The following PDE2A variants were observed in gnomAD, a reference collection of about 807,000 sequenced individuals.
PDE2A encodes cGMP-dependent 3',5'-cyclic phosphodiesterase.
A neutral mutation model predicts 133.6 loss-of-function variants in PDE2A; 53 were observed. That is an observed-to-expected ratio of 0.40 (90% CI 0.32 to 0.50). The LOEUF is 0.50. PDE2A is among the 20% of genes least tolerant of loss of function. The pLI is 0.73. For synonymous variants in PDE2A, 491 were observed against 490.2 expected (o/e 1.00, Z -0.02); for missense variants, 796 against 1,232.4 (o/e 0.65, Z 5.30).
Position 72,578,578 on chromosome 11 carries a change from A to T in PDE2A, c.2470-64T>A. 7.3e-7 allele frequency: 1 copy of T among 1,378,680 alleles called. No individual in the cohort carries two copies. The highest frequency in any genetic ancestry group is 1.0e-6 in the Non-Finnish European group (1 of 965,906). The allele number at this position is 1,378,680 out of a possible 1,614,324, so 85.4% of individuals were successfully genotyped here. The stretch of plus-strand genomic sequence containing the variant: ...ATACATCCACCCAAGCTCCTCTGAC[A>T]GCCCGTTCCCAGGAGAGAAAACTGA... On this transcript the variant is annotated intron_variant, in intron 28 of 30. Transcript: ENST00000334456. The surrounding 1 kb of genome is among the most constrained non-coding windows in gnomAD (Gnocchi z 4.2).
chr11:72,600,678 C>T (rs543371138), intron 4 of PDE2A, among the ~76,000 whole-genome samples: 169 of 152,298 alleles, frequency 1.1e-3, no homozygotes, highest in African/African-American at 4.0e-3. Context: ...CTCCCTGCTC[C>T]TCTCCAGTTC....
intron 1 of PDE2A, among the ~76,000 whole-genome samples, chr11:72,651,899 G>C (rs1489579279): frequency 6.6e-6 from 1 of 152,154 alleles, no homozygotes; most frequent in African/African-American, 2.4e-5. Flanking sequence ...CAGAAGACAG[G>C]CCTGAAAAGA....
Position 72,595,824 on chromosome 11 carries a change from G to A in PDE2A, c.489+769C>T, listed in dbSNP as rs560084683. Among the ~76,000 whole-genome samples the A allele has an allele frequency of 3.3e-5, 5 of 152,190 alleles. No homozygotes were observed. In the South Asian group the frequency reaches 6.2e-4, roughly 19 times the overall value. Reference sequence around the variant, plus strand: ...ATACAGGAGAAGAAACGGAAAGAGCGGCAGAATCCCGTCCCCACAGGCTCT... The same window carrying A: ...ATACAGGAGAAGAAACGGAAAGAGCAGCAGAATCCCGTCCCCACAGGCTCT... On this transcript the variant is annotated intron_variant, in intron 6 of 30. Coordinates refer to ENST00000334456, the MANE Select transcript of PDE2A (RefSeq NM_002599.5).
intron 6 of PDE2A, among the ~76,000 whole-genome samples, chr11:72,596,335 G>A (rs1437404435): frequency 6.6e-6 from 1 of 152,140 alleles, no homozygotes; most frequent in Non-Finnish European, 1.5e-5. Flanking sequence ...GCTGCTGACT[G>A]GGCCAATGGC....
chr11:72,665,597 C>G (rs1855211920), intron 1 of PDE2A, among the ~76,000 whole-genome samples: 1 of 152,302 alleles, frequency 6.6e-6, no homozygotes, highest in Admixed American at 6.5e-5. Context: ...CTCTGGCCCC[C>G]CATGGCAGCT....
intron 2 of PDE2A, among the ~76,000 whole-genome samples, chr11:72,631,635 C>A (rs1858388070): frequency 6.6e-6 from 1 of 152,100 alleles, no homozygotes; most frequent in African/African-American, 2.4e-5. Context: ...CATGTGGGAG[C>A]CCCCCTACCC....
At chr11:72,630,713 G>T (rs1401233828) in intron 2 of PDE2A, among the ~76,000 whole-genome samples, 1 of 152,014 alleles carries the variant, frequency 6.6e-6, no homozygotes, top group Non-Finnish European at 1.5e-5. Context: ...TGGCCCAGGG[G>T]AGAGTTGAGG....
Position 72,578,708 on chromosome 11 carries a change from C to A in PDE2A, c.2469+189G>T, listed in dbSNP as rs1034066628. On this transcript the variant is annotated intron_variant, in intron 28 of 30. Transcript: ENST00000334456. The surrounding 1 kb of genome is among the most constrained non-coding windows in gnomAD (Gnocchi z 4.2). ...GGCTGGGTTGGGGCCCACCTTCCACCAGCCACTGACTTGCTAGGTCTGTTC... is the reference window on the plus strand; with the variant it reads ...GGCTGGGTTGGGGCCCACCTTCCACAAGCCACTGACTTGCTAGGTCTGTTC... Among the ~76,000 whole-genome samples, 1 of 152,226 alleles carries A rather than the reference C, an allele frequency of 6.6e-6. No homozygotes were observed. Among genetic ancestry groups the A allele is most frequent in the South Asian group, 2.1e-4 (1 of 4,834 alleles).
At chr11:72,593,131 G>C (rs1012556688) in intron 6 of PDE2A, among the ~76,000 whole-genome samples, 2 of 151,326 alleles carry the variant, frequency 1.3e-5, no homozygotes, top group Non-Finnish European at 2.9e-5. Flanking sequence ...CATGAAGAAC[G>C]TCAGGCCCTC....
intron 2 of PDE2A, among the ~76,000 whole-genome samples, chr11:72,622,264 G>A (rs1464769468): frequency 6.6e-6 from 1 of 152,134 alleles, no homozygotes; most frequent in Non-Finnish European, 1.5e-5. Context: ...ACTGTCCGTG[G>A]GAATGTAAAA....
At chr11:72,652,281 G>T (rs180857651) in intron 1 of PDE2A, among the ~76,000 whole-genome samples, 5 of 152,308 alleles carry the variant, frequency 3.3e-5, no homozygotes, top group South Asian at 2.1e-4. Flanking sequence ...CCTGCCTGTT[G>T]TGTTTTGTTT....
chr11:72,659,736 A>G (rs1854997918), intron 1 of PDE2A, among the ~76,000 whole-genome samples: 1 of 152,110 alleles, frequency 6.6e-6, no homozygotes, highest in South Asian at 2.1e-4. Context: ...TGGACAATAT[A>G]TAGCCATTTC....
chr11:72,654,864 A>G (rs1854846846), intron 1 of PDE2A, among the ~76,000 whole-genome samples: 1 of 152,144 alleles, frequency 6.6e-6, no homozygotes, highest in Admixed American at 6.5e-5. Context: ...ACATCCCCAC[A>G]GCTCCAGCCC....
At chr11:72,581,214 A>T in intron 23 of PDE2A, 143 bp downstream of exon 23, 1 of 862,562 alleles carries the variant, frequency 1.2e-6, no homozygotes, top group Non-Finnish European at 1.8e-6. Flanking sequence ...GATGGGGCTC[A>T]CAGCCTTCCC....
In PDE2A at chr11:72,585,239, T is replaced by C. The variant is rs1855911643; in HGVS notation, c.1286+132A>G. 13 of 784,808 alleles carry C rather than the reference T, an allele frequency of 1.7e-5. No homozygotes were observed. In the East Asian group the frequency reaches 3.5e-4, roughly 21 times the overall value. The allele number at this position is 784,808 out of a possible 1,614,324, so 48.6% of individuals were successfully genotyped here. A position where few individuals can be genotyped will look rare whatever the true frequency, so the allele number is the denominator to read the frequency against. ...TCTAGCGAGGGAGACAGGCATGAAA[T>C]AAAGGATCCCTCAAAAGGTGATGAA... On this transcript the variant is annotated intron_variant, in intron 16 of 30. Coordinates refer to ENST00000334456, the MANE Select transcript of PDE2A (RefSeq NM_002599.5).
intron 1 of PDE2A, among the ~76,000 whole-genome samples, chr11:72,673,068 A>G (rs1180973167): frequency 6.6e-6 from 1 of 152,078 alleles, no homozygotes; most frequent in East Asian, 1.9e-4. Flanking sequence ...TTATACGCAC[A>G]CAGCCACATC....
At chr11:72,651,731 C>T (rs7930640) in intron 1 of PDE2A, among the ~76,000 whole-genome samples, 4,189 of 152,326 alleles carry the variant, frequency 0.028, 205 homozygotes, top group African/African-American at 0.096. Context: ...CCTCAGCATC[C>T]TCTGGCAGTG....
intron 1 of PDE2A, among the ~76,000 whole-genome samples, chr11:72,670,425 A>G (rs1469132744): frequency 6.6e-6 from 1 of 151,964 alleles, no homozygotes; most frequent in Non-Finnish European, 1.5e-5. Context: ...CCTATGGGAG[A>G]GTCAGAGGCT....
intron 1 of PDE2A, among the ~76,000 whole-genome samples, chr11:72,644,931 A>AT (rs1859090867): frequency 6.6e-6 from 1 of 151,920 alleles, no homozygotes; most frequent in Non-Finnish European, 1.5e-5. Context: ...TAATTTTTAT[A>AT]TTTTTAGTAC....
Sources: allele counts gnomAD v4.1 joint callset (sites outside exome capture counted in the v4.1 genomes callset), GRCh38; gene constraint gnomAD v4.1.1; non-coding constraint Gnocchi (gnomAD v3.1); transcripts MANE v1.5; gene names NCBI Gene and HGNC (gene_info 2026-07-23, HGNC 2026-07-21).